GRIK1: variants seen among roughly 807,000 people sequenced by gnomAD.
GRIK1 encodes glutamate ionotropic receptor kainate type subunit 1, also known as glutamate receptor ionotropic, kainate 1.
In GRIK1, 69 loss-of-function variants were observed where a neutral mutation model predicts 105.7. That is an observed-to-expected ratio of 0.65 (90% CI 0.54 to 0.80). GRIK1 has a LOEUF of 0.80. Among genes scored for constraint, GRIK1 ranks in the 30% least tolerant of loss-of-function variants. GRIK1 has a pLI of 0.00. For synonymous variants in GRIK1, 438 were observed against 431.3 expected, an observed-to-expected ratio of 1.02 and a Z score of -0.19; for missense variants, 1,109 against 1,167.3, an observed-to-expected ratio of 0.95 and a Z score of 0.73.
intron 15 of GRIK1, among the ~76,000 whole-genome samples, chr21:29,559,619 T>C (rs187415515): frequency 3.3e-5 from 5 of 152,332 alleles, no homozygotes; most frequent in African/African-American, 1.2e-4. Context: ...ATAGCACATA[T>C]TTCTAACACC....
At chr21:29,806,187 C>T (rs1182764968) in intron 1 of GRIK1, among the ~76,000 whole-genome samples, 1 of 151,998 alleles carries the variant, frequency 6.6e-6, no homozygotes, top group Non-Finnish European at 1.5e-5. Context: ...CAAAATTTTA[C>T]ACAAAATGAA....
chr21:29,899,602 G>C (rs1199499729), intron 1 of GRIK1, among the ~76,000 whole-genome samples: 1 of 151,390 alleles, frequency 6.6e-6, no homozygotes, highest in Admixed American at 6.6e-5. Context: ...ACCACTCCCA[G>C]AGCTGATAAT....
intron 1 of GRIK1, among the ~76,000 whole-genome samples, chr21:29,908,086 C>T (rs887647553): frequency 6.6e-6 from 1 of 151,940 alleles, no homozygotes; most frequent in South Asian, 2.1e-4. Context: ...ACTTATTATA[C>T]ACCAGACATT....
intron 5 of GRIK1, among the ~76,000 whole-genome samples, chr21:29,652,603 T>C (rs363577): frequency 0.13 from 19,233 of 152,240 alleles, 1,290 homozygotes; most frequent in East Asian, 0.22. Context: ...AGTTTCTAAA[T>C]TGATTCACAT....
intron 1 of GRIK1, among the ~76,000 whole-genome samples, chr21:29,746,243 C>A (rs952988553): frequency 9.2e-5 from 14 of 152,214 alleles, no homozygotes; most frequent in Non-Finnish European, 2.1e-4. Context: ...TACACTAGAA[C>A]ATGGATTGGG....
intron 15 of GRIK1, among the ~76,000 whole-genome samples, chr21:29,560,677 C>T (rs1425684856): frequency 6.6e-6 from 1 of 150,386 alleles, no homozygotes; most frequent in Non-Finnish European, 1.5e-5. Flanking sequence ...TCTCAGCTCA[C>T]TGCAACCTCC....
intron 1 of GRIK1, among the ~76,000 whole-genome samples, chr21:29,841,970 T>C (rs1185657064): frequency 6.6e-6 from 1 of 152,184 alleles, no homozygotes; most frequent in Non-Finnish European, 1.5e-5. Context: ...ACTTAATTGT[T>C]GACTCTGTCT....
chr21:29,634,673 G>A (rs576698733), intron 7 of GRIK1, among the ~76,000 whole-genome samples: 3 of 152,250 alleles, frequency 2.0e-5, no homozygotes, highest in South Asian at 4.1e-4. Flanking sequence ...TCAGAGCTAC[G>A]GAGTTGAAAG....
intron 1 of GRIK1, among the ~76,000 whole-genome samples, chr21:29,868,445 T>C (rs1428246566): frequency 6.6e-6 from 1 of 152,196 alleles, no homozygotes; most frequent in Non-Finnish European, 1.5e-5. Context: ...CAAAGCGGTA[T>C]AATGTGGATG....
chr21:29,808,258 G>T (rs1040973231), intron 1 of GRIK1, among the ~76,000 whole-genome samples: 1 of 152,112 alleles, frequency 6.6e-6, no homozygotes, highest in Non-Finnish European at 1.5e-5. Context: ...TTGCAGTTTT[G>T]GCTCTCAGGC....
At chr21:29,685,862 C>T (rs1382906679) in intron 3 of GRIK1, among the ~76,000 whole-genome samples, 1 of 152,134 alleles carries the variant, frequency 6.6e-6, no homozygotes, top group African/African-American at 2.4e-5. Context: ...ATTTCACTTC[C>T]CTAAGTGGAG....
intron 10 of GRIK1, 75 bp downstream of exon 10, chr21:29,591,037 G>A: frequency 1.2e-6 from 1 of 833,766 alleles, no homozygotes; most frequent in Non-Finnish European, 2.1e-6. Flanking sequence ...GCATGAAAAA[G>A]ACAGTTGAGG....
chr21:29,647,371 A>G (rs1027249010), intron 6 of GRIK1, among the ~76,000 whole-genome samples: 14 of 152,170 alleles, frequency 9.2e-5, no homozygotes, highest in African/African-American at 3.1e-4. Flanking sequence ...CTAGGCTTTC[A>G]TTATCTCGGA....
chr21:29,745,580 C>G (rs1367104353), intron 1 of GRIK1, among the ~76,000 whole-genome samples: 1 of 152,172 alleles, frequency 6.6e-6, no homozygotes, highest in African/African-American at 2.4e-5. Context: ...TCCAGGGCCT[C>G]TGATTCCCTC....
chr21:29,662,628 A>G (rs912157062), intron 4 of GRIK1, among the ~76,000 whole-genome samples: 2 of 152,124 alleles, frequency 1.3e-5, no homozygotes, highest in African/African-American at 4.8e-5. Flanking sequence ...TTTGAAGGAG[A>G]GACAGGGGTG....
At chr21:29,861,800 C>G in intron 1 of GRIK1, 1 of 301,464 alleles carries the variant, frequency 3.3e-6, no homozygotes, top group Non-Finnish European at 6.6e-6. Flanking sequence ...CCTTAAATAC[C>G]TAGAATAAGT....
rs529130487 is a variant in GRIK1, at chr21:29,828,017, G to T, written c.118+111366C>A. Reference sequence around the variant, plus strand: ...TCTCTCTCTCTGTCTCTCTCTGTGTGTGTGTGTGTGTGTGTGTGGGTGTGT... The same window carrying T: ...TCTCTCTCTCTGTCTCTCTCTGTGTTTGTGTGTGTGTGTGTGTGGGTGTGT... On this transcript the variant is annotated intron_variant, in intron 1 of 17. Coordinates refer to ENST00000327783, the MANE Select transcript of GRIK1 (RefSeq NM_001330994.2). Among the ~76,000 whole-genome samples the T allele has an allele frequency of 2.7e-4, 40 of 147,606 alleles. 1 individual carries two copies. In the South Asian group the frequency reaches 8.1e-3, roughly 30 times the overall value.
chr21:29,651,204 C>T lies in GRIK1; in HGVS notation c.868G>A (p.Val290Met), dbSNP rs199910569. 209 of 1,613,362 alleles carry T rather than the reference C, an allele frequency of 1.3e-4. 1 individual carries two copies. Among genetic ancestry groups the T allele is most frequent in the Non-Finnish European group, 1.4e-4 (166 of 1,179,330 alleles). Residue 290 changes from valine (V) to methionine (M), a missense_variant, in exon 6 of 18, where the codon GTG becomes ATG. Val to Met is a conservative substitution (Grantham distance 21, BLOSUM62 1). This residue lies in a region of GRIK1 where 612 missense variants were observed against 586.0 expected (regional missense o/e 1.04). Transcript: ENST00000327783. ...FRLLNIDNPH[V>M]SSIIEKWSME... ...GACCACTTCTCAATGATGGATGACACGTGAGGGTTGTCAATGTTAAGCAGC... is the reference window on the plus strand; with the variant it reads ...GACCACTTCTCAATGATGGATGACATGTGAGGGTTGTCAATGTTAAGCAGC...
intron 14 of GRIK1, among the ~76,000 whole-genome samples, chr21:29,570,843 C>CTTTTTT (rs34929553): frequency 6.8e-6 from 1 of 146,042 alleles, no homozygotes. Context: ...CTTAGAGTTG[C>CTTTTTT]TTTTTTTTTT....
Sources: allele counts gnomAD v4.1 joint callset (sites outside exome capture counted in the v4.1 genomes callset), GRCh38; gene constraint gnomAD v4.1.1; regional missense constraint gnomAD v4.1.1; transcripts MANE v1.5; gene names NCBI Gene and HGNC (gene_info 2026-07-23, HGNC 2026-07-21).